SPHKAP: variants seen among roughly 807,000 people sequenced by gnomAD.
The protein encoded by SPHKAP is SPHK1 interactor, AKAP domain containing, also known as A-kinase anchor protein SPHKAP.
A neutral mutation model predicts 137.5 loss-of-function variants in SPHKAP; 67 were observed. That is an observed-to-expected ratio of 0.49 (90% CI 0.40 to 0.60). The LOEUF (loss-of-function observed/expected upper bound fraction) is 0.60. SPHKAP is among the 20% of genes least tolerant of loss of function. The probability of loss-of-function intolerance (pLI) is 0.00; values close to 1 mark genes in which losing one functional copy is unlikely to be tolerated. For synonymous variants in SPHKAP, 813 were observed against 785.3 expected (o/e 1.04, Z -0.59); for missense variants, 2,097 against 2,069.3 (o/e 1.01, Z -0.26).
At chr2:228,086,585 A>C (rs2106321187) in intron 3 of SPHKAP, among the ~76,000 whole-genome samples, 1 of 152,276 alleles carries the variant, frequency 6.6e-6, no homozygotes, top group African/African-American at 2.4e-5. Context: ...TTTCAGGATA[A>C]GAATGCCATG....
chr2:228,108,699 G>T (rs539139379), intron 3 of SPHKAP, 133 bp downstream of exon 3: 1 of 618,154 alleles, frequency 1.6e-6, no homozygotes, highest in East Asian at 3.1e-5. Flanking sequence ...ATATAAACCC[G>T]CTATGTATTT....
intron 2 of SPHKAP, among the ~76,000 whole-genome samples, chr2:228,114,822 A>G (rs1471346858): frequency 6.6e-6 from 1 of 152,108 alleles, no homozygotes; most frequent in Non-Finnish European, 1.5e-5. Context: ...CAGTCAACCA[A>G]TGCTCATTGA....
At chr2:228,151,672 TA>T (rs1422081747) in intron 1 of SPHKAP, among the ~76,000 whole-genome samples, 3 of 152,180 alleles carry the variant, frequency 2.0e-5, no homozygotes, top group South Asian at 2.1e-4. Context: ...TTTGATAGTT[TA>T]AAAAAATTTT....
intron 1 of SPHKAP, among the ~76,000 whole-genome samples, chr2:228,157,833 G>T (rs752420360): frequency 5.9e-5 from 9 of 152,132 alleles, no homozygotes; most frequent in Admixed American, 2.0e-4. Flanking sequence ...GGCCACAGAG[G>T]TGTAGTAGTT....
intron 3 of SPHKAP, among the ~76,000 whole-genome samples, chr2:228,046,787 A>G (rs1257754811): frequency 2.0e-5 from 3 of 152,164 alleles, no homozygotes; most frequent in Admixed American, 2.0e-4. Context: ...AGGATATGTG[A>G]ACCCTCTATT....
At chr2:227,995,267 G>T (rs566874381) in intron 8 of SPHKAP, among the ~76,000 whole-genome samples, 5 of 152,316 alleles carry the variant, frequency 3.3e-5, no homozygotes, top group African/African-American at 9.6e-5. Context: ...GCTGGGGCTT[G>T]CAGGGAAGGG....
At chr2:228,007,610 C>T (rs981918984) in intron 7 of SPHKAP, among the ~76,000 whole-genome samples, 1 of 152,036 alleles carries the variant, frequency 6.6e-6, no homozygotes, top group African/African-American at 2.4e-5. Context: ...ATAACATCCT[C>T]TAGGTTCATT....
intron 1 of SPHKAP, among the ~76,000 whole-genome samples, chr2:228,160,936 G>T (rs1700255677): frequency 6.6e-6 from 1 of 152,130 alleles, no homozygotes; most frequent in South Asian, 2.1e-4. Context: ...ACGAACATTT[G>T]TCAGATCTGA....
chr2:228,025,321 T>TG, intron 5 of SPHKAP, 73 bp downstream of exon 5: 1 of 1,450,574 alleles, frequency 6.9e-7, no homozygotes, highest in Non-Finnish European at 9.3e-7. Context: ...AGCATCTGTT[T>TG]GGGGTTTACA....
At chr2:228,176,422 T>C (rs9678561) in intron 1 of SPHKAP, among the ~76,000 whole-genome samples, 18,936 of 152,004 alleles carry the variant, frequency 0.12, 1,193 homozygotes, top group East Asian at 0.2. Flanking sequence ...AAAGTAGGAG[T>C]GACATAGAAG....
chr2:228,027,679 C>A, intron 3 of SPHKAP, 136 bp from the exon 4 acceptor site: 4 of 881,298 alleles, frequency 4.5e-6, no homozygotes, highest in Non-Finnish European at 7.0e-6. Flanking sequence ...TAGAAATAGT[C>A]ATTTCAGGGC....
intron 3 of SPHKAP, among the ~76,000 whole-genome samples, chr2:228,035,985 G>A (rs1333808878): frequency 6.7e-6 from 1 of 150,032 alleles, no homozygotes; most frequent in Admixed American, 6.7e-5. Context: ...AGGACTTCAT[G>A]TCTAAAACAC....
intron 2 of SPHKAP, chr2:228,131,664 T>A: frequency 2.2e-6 from 1 of 455,516 alleles, no homozygotes; most frequent in Non-Finnish European, 2.9e-6. Context: ...TCATTCAAAA[T>A]GCATGAACAT....
At chr2:228,034,419 A>G (rs1256830352) in intron 3 of SPHKAP, among the ~76,000 whole-genome samples, 1 of 152,212 alleles carries the variant, frequency 6.6e-6, no homozygotes, top group Non-Finnish European at 1.5e-5. Flanking sequence ...GTCCAGGACC[A>G]GATGGATTCA....
At chr2:227,991,574 T>C in intron 9 of SPHKAP, 1 of 985,406 alleles carries the variant, frequency 1.0e-6, no homozygotes, top group Non-Finnish European at 1.2e-6. Context: ...TTAGTTAGGA[T>C]AGCTGGTGTG....
chr2:228,163,399 A>C (rs1042979025), intron 1 of SPHKAP, among the ~76,000 whole-genome samples: 1 of 152,086 alleles, frequency 6.6e-6, no homozygotes, highest in African/African-American at 2.4e-5. Flanking sequence ...TAGGGGCAAA[A>C]ATTTTTTGAT....
At chr2:228,001,587 T>A (rs1693903067) in intron 7 of SPHKAP, among the ~76,000 whole-genome samples, 1 of 148,704 alleles carries the variant, frequency 6.7e-6, no homozygotes, top group Non-Finnish European at 1.5e-5. Context: ...ATATTTATTA[T>A]ACTTTAAGTT....
chr2:228,178,539 T>C (rs1033091548), intron 1 of SPHKAP, among the ~76,000 whole-genome samples: 1 of 152,170 alleles, frequency 6.6e-6, no homozygotes, highest in Non-Finnish European at 1.5e-5. Context: ...GTCCTTTGAT[T>C]CTTTTTTTGT....
intron 1 of SPHKAP, among the ~76,000 whole-genome samples, chr2:228,136,307 G>A (rs1214985381): frequency 6.6e-6 from 1 of 152,174 alleles, no homozygotes; most frequent in Non-Finnish European, 1.5e-5. Flanking sequence ...AAACCGTTAA[G>A]TGTGTTTCAA....
Sources: gnomAD v4.1 joint callset for allele counts (sites outside exome capture counted in the v4.1 genomes callset) on GRCh38, gnomAD v4.1.1 for gene constraint, MANE v1.5 for transcripts, NCBI Gene and HGNC (gene_info 2026-07-23, HGNC 2026-07-21) for gene names.